SFMBT1: variants seen among roughly 807,000 people sequenced by gnomAD.
SFMBT1 encodes scm-like with four MBT domains protein 1.
Under a neutral mutation model 108.7 loss-of-function variants are expected in SFMBT1, and 32 were observed. That is an observed-to-expected ratio of 0.29 (90% CI 0.22 to 0.40). The LOEUF (loss-of-function observed/expected upper bound fraction) is 0.40. Ranked by LOEUF, SFMBT1 falls within the 10% of genes least tolerant of loss-of-function variation. SFMBT1 has a pLI of 1.00. For synonymous variants in SFMBT1, 348 were observed against 369.5 expected (o/e 0.94, Z 0.67); for missense variants, 816 against 1,059.6 (o/e 0.77, Z 3.19).
At chr3:52,964,330 A>ATATG (rs1455530731) in intron 2 of SFMBT1, among the ~76,000 whole-genome samples, 1 of 152,112 alleles carries the variant, frequency 6.6e-6, no homozygotes, top group Non-Finnish European at 1.5e-5. Flanking sequence ...GGGCAACATA[A>ATATG]CATAGCAAGA....
chr3:52,937,248 A>AT (rs929747800), intron 4 of SFMBT1, among the ~76,000 whole-genome samples: 9 of 151,978 alleles, frequency 5.9e-5, no homozygotes, highest in Non-Finnish European at 1.2e-4. Context: ...ATAGGTTAAG[A>AT]TTTTTTCTTT....
intron 10 of SFMBT1, 73 bp from the exon 11 acceptor site, chr3:52,921,904 T>C (rs1702530659): frequency 1.4e-6 from 2 of 1,442,762 alleles, no homozygotes; most frequent in Non-Finnish European, 1.9e-6. Flanking sequence ...CTAGAAAACC[T>C]TTTTCAAGTA....
At chr3:52,982,746 A>AAAAAAAAAAAAAAAAG in intron 1 of SFMBT1, among the ~76,000 whole-genome samples, 1 of 149,006 alleles carries the variant, frequency 6.7e-6, no homozygotes, top group Non-Finnish European at 1.5e-5. Flanking sequence ...AAAAAAAAAA[A>AAAAAAAAAAAAAAAAG]AAAAAAAGAT....
intron 1 of SFMBT1, among the ~76,000 whole-genome samples, chr3:52,995,313 C>T (rs952326939): frequency 6.7e-6 from 1 of 150,152 alleles, no homozygotes; most frequent in African/African-American, 2.4e-5. Context: ...GACCATAAAC[C>T]TAAATGTAAG....
intron 4 of SFMBT1, among the ~76,000 whole-genome samples, chr3:52,936,679 T>C (rs138069572): frequency 3.3e-5 from 5 of 152,292 alleles, no homozygotes; most frequent in East Asian, 1.9e-4. Context: ...TTTATTTCCA[T>C]GGAAATGGTA....
rs59842273 is a variant in SFMBT1 at position 52,949,568 on chromosome 3, CTTTTTTTTTTTT to C, written c.123+4737_123+4748del. ...CCCTTTATTATTATGTAATGTCCTT[CTTTTTTTTTTTT>C]TTTTTTTTTTTTTTTGAGACCGAGT... On this transcript the variant is annotated intron_variant, in intron 3 of 20. Coordinates refer to ENST00000394752, the MANE Select transcript of SFMBT1 (RefSeq NM_016329.4). 3.0e-4 allele frequency among the ~76,000 whole-genome samples: 23 copies of C among 77,414 alleles called. No homozygotes were observed. In the East Asian group the frequency reaches 3.6e-3, roughly 12 times the overall value. 50.8% of individuals were successfully genotyped at this position (77,414 alleles called of 152,430 possible).
chr3:52,960,757 C>T lies in SFMBT1; in HGVS notation c.29-6346G>A, dbSNP rs193273013. 4.2e-3 allele frequency among the ~76,000 whole-genome samples: 645 copies of T among 152,232 alleles called. 3 individuals carry two copies. The highest frequency in any genetic ancestry group is 0.015 in the African/African-American group (613 of 41,530). ...ATTCACAATAACCAAAAGGCAGAGGCAACCCAAGTGTCCATCAACAGACGA... is the reference window on the plus strand; with the variant it reads ...ATTCACAATAACCAAAAGGCAGAGGTAACCCAAGTGTCCATCAACAGACGA... On this transcript the variant is annotated intron_variant, in intron 2 of 20. Transcript: ENST00000394752.
At chr3:52,989,859 A>G (rs1705060762) in intron 1 of SFMBT1, among the ~76,000 whole-genome samples, 2 of 152,192 alleles carry the variant, frequency 1.3e-5, no homozygotes, top group African/African-American at 2.4e-5. Context: ...CCTTGGACAA[A>G]ACTATCATTG....
chr3:53,001,888 G>A (rs549571030), intron 1 of SFMBT1, among the ~76,000 whole-genome samples: 7 of 144,768 alleles, frequency 4.8e-5, no homozygotes, highest in East Asian at 2.0e-4. Context: ...TCCTGCCACC[G>A]CATTCCGGCC....
At chr3:52,992,674 A>G (rs1022299787) in intron 1 of SFMBT1, among the ~76,000 whole-genome samples, 7 of 152,226 alleles carry the variant, frequency 4.6e-5, no homozygotes, top group Non-Finnish European at 1.0e-4. Flanking sequence ...ATAAAAGCAG[A>G]TCATCTTTCA....
Position 52,906,192 on chromosome 3 carries a change from A to G in SFMBT1, c.2381T>C (p.Leu794Ser). 6.2e-7 allele frequency: 1 copy of G among 1,614,140 alleles called. No individual in the cohort carries two copies. The highest frequency in any genetic ancestry group is 1.6e-4 in the Middle Eastern group (1 of 6,062). ...AERLHLDSNP[L>S]KWSVADVVRF... ...CACAACGTCTGCCACACTCCACTTC[A>G]AGGGGTTACTGTCCAGGTGAAGCCT... The change falls in exon 20 of 21, where the codon TTG (leucine) becomes TCG (serine). Residue 794 changes from leucine (L) to serine (S), a missense_variant. Physicochemically the swap from Leu to Ser is moderately radical, Grantham distance 145 (BLOSUM62 -2). Transcript: ENST00000394752.
At chr3:53,033,526 C>T (rs1415357307) in intron 1 of SFMBT1, among the ~76,000 whole-genome samples, 1 of 151,982 alleles carries the variant, frequency 6.6e-6, no homozygotes, top group Non-Finnish European at 1.5e-5. Flanking sequence ...AAGCTTTTAT[C>T]AAAATTTTGA....
rs1372965663 is a variant in SFMBT1, at chr3:53,040,228, A to G, written c.-131+5588T>C. ...AGCCTTACTACTGAGCAAATATTCC[A>G]TAGTAGCCACCTCAAATGCTTTTTT... On this transcript the variant is annotated intron_variant, in intron 1 of 20. Coordinates refer to ENST00000394752, the MANE Select transcript of SFMBT1 (RefSeq NM_016329.4). 2.0e-5 allele frequency among the ~76,000 whole-genome samples: 3 copies of G among 152,370 alleles called. No homozygotes were observed. In the East Asian group the frequency reaches 5.8e-4, roughly 29 times the overall value.
chr3:52,930,532 C>A, intron 7 of SFMBT1, 102 bp from the exon 8 acceptor site: 2 of 677,268 alleles, frequency 3.0e-6, no homozygotes, highest in Non-Finnish European at 5.2e-6. Flanking sequence ...CTGGTAAATC[C>A]TATAGTTTTC....
chr3:52,916,439 G>A (rs1271319003), intron 13 of SFMBT1, among the ~76,000 whole-genome samples: 1 of 149,100 alleles, frequency 6.7e-6, no homozygotes, highest in Non-Finnish European at 1.5e-5. Flanking sequence ...GGAGGCTGAC[G>A]TGGGCGGGTC....
chr3:52,968,851 C>A (rs188339854), intron 2 of SFMBT1, among the ~76,000 whole-genome samples: 81 of 152,180 alleles, frequency 5.3e-4, no homozygotes, highest in Non-Finnish European at 1.0e-3. Context: ...CCTCGGCCTC[C>A]CAAAGTGTTA....
chr3:52,906,205 C>G lies in SFMBT1; in HGVS notation c.2368G>C (p.Asp790His). The change falls in exon 20 of 21, where the codon GAC becomes CAC. Residue 790 changes from aspartate (D) to histidine (H), a missense_variant. Transcript: ENST00000394752. ...RIEVAERLHL[D>H]SNPLKWSVAD... ...ACACTCCACTTCAAGGGGTTACTGT[C>G]CAGGTGAAGCCTTTCAGCAACTTCG... 6.2e-7 allele frequency: 1 copy of G among 1,614,158 alleles called. No homozygotes were observed. The highest frequency in any genetic ancestry group is 8.5e-7 in the Non-Finnish European group (1 of 1,179,994).
At chr3:52,999,383 C>G (rs117493077) in intron 1 of SFMBT1, among the ~76,000 whole-genome samples, 5 of 150,470 alleles carry the variant, frequency 3.3e-5, no homozygotes, top group Non-Finnish European at 1.5e-5. Flanking sequence ...GCCACCCACG[C>G]GCCACAGCAA....
At chr3:52,906,280 C>T (rs777629086) in intron 19 of SFMBT1, 39 bp from the exon 20 acceptor site, 18 of 1,613,000 alleles carry the variant, frequency 1.1e-5, no homozygotes, top group South Asian at 2.2e-5. Flanking sequence ...AATGGTGTTA[C>T]GGCTATTTTA....
Sources: gnomAD v4.1 joint callset for allele counts (sites outside exome capture counted in the v4.1 genomes callset) on GRCh38, gnomAD v4.1.1 for gene constraint, MANE v1.5 for transcripts, NCBI Gene and HGNC (gene_info 2026-07-23, HGNC 2026-07-21) for gene names.